Variants in ROS1 observed in about 807,000 individuals in gnomAD.
ROS1 encodes ROS proto-oncogene 1, receptor tyrosine kinase, also known as proto-oncogene tyrosine-protein kinase ROS.
A neutral mutation model predicts 273.5 loss-of-function variants in ROS1; 263 were observed. The observed-to-expected ratio is 0.96, with a 90% CI of 0.87 to 1.06. ROS1 has a LOEUF of 1.06. Ranked by LOEUF, ROS1 falls within the 50% of genes least tolerant of loss-of-function variation. The pLI is 0.00. For synonymous variants in ROS1, 1,008 were observed against 954.1 expected (o/e 1.06, Z -1.04); for missense variants, 2,833 against 2,751.1 (o/e 1.03, Z -0.67).
At position 117,337,329 on chromosome 6, in the gene ROS1, A is replaced by G. The variant is rs765137339; in HGVS notation, c.5073T>C (p.Asn1691=). ...FWVELQKWKY[N]EFYHVKTSCS... Reference sequence around the variant, plus strand: ...ATGAAGTTTTAACATGGTAAAACTCATTGTATTTCCACTAGAAAAAGAAGT... The same window carrying G: ...ATGAAGTTTTAACATGGTAAAACTCGTTGTATTTCCACTAGAAAAAGAAGT... The change falls in exon 32 of 44, where the codon AAT becomes AAC. Residue 1691 remains asparagine, a synonymous_variant. Transcript: ENST00000368507. The G allele has an allele frequency of 1.9e-6, 3 of 1,593,708 alleles. No individual in the cohort carries two copies. The highest frequency in any genetic ancestry group is 2.6e-6 in the Non-Finnish European group (3 of 1,173,538).
chr6:117,414,335 T>A (rs1775169685), intron 4 of ROS1, among the ~76,000 whole-genome samples, 184 bp downstream of exon 4: 1 of 152,120 alleles, frequency 6.6e-6, no homozygotes, highest in Non-Finnish European at 1.5e-5. Context: ...CATAAAACAG[T>A]AAATATTTGT....
chr6:117,384,359 T>TA (rs1239098413), intron 16 of ROS1, among the ~76,000 whole-genome samples: 9 of 152,170 alleles, frequency 5.9e-5, no homozygotes, highest in African/African-American at 1.7e-4. Context: ...ATGGACACAC[T>TA]AAAAAATCTC....
Position 117,359,814 on chromosome 6 carries a change from A to T in ROS1, c.3628T>A (p.Ser1210Thr), listed in dbSNP as rs1779634100. The T allele has an allele frequency of 1.9e-6, 3 of 1,612,720 alleles. No individual in the cohort carries two copies. Among genetic ancestry groups the T allele is most frequent in the Non-Finnish European group, 2.5e-6 (3 of 1,178,894 alleles). Residue 1210 changes from serine to threonine, a missense_variant, in exon 24 of 44, where the codon TCT (serine) becomes ACT (threonine). Ser to Thr is a moderately conservative substitution (Grantham distance 58, BLOSUM62 1). Coordinates refer to ENST00000368507, the MANE Select transcript of ROS1 (RefSeq NM_001378902.1). Reference protein sequence around the residue: ...FLLHLHNRSSSELFQDSLVFD... With the variant: ...FLLHLHNRSSTELFQDSLVFD... ...AGAATTACATAGTGAAATACCTCAG[A>T]GCTAGAGCGATTGTGCAAGTGCAGA...
intron 5 of ROS1, among the ~76,000 whole-genome samples, chr6:117,408,226 A>G (rs1774582285): frequency 6.6e-6 from 1 of 151,928 alleles, no homozygotes; most frequent in South Asian, 2.1e-4. Flanking sequence ...ATCTAATTAA[A>G]CTAAAGAGCT....
At chr6:117,361,736 A>C (rs1779818279) in intron 22 of ROS1, among the ~76,000 whole-genome samples, 1 of 151,866 alleles carries the variant, frequency 6.6e-6, no homozygotes, top group South Asian at 2.1e-4. Flanking sequence ...TTATTAAATT[A>C]GAATTTTATG....
At chr6:117,362,417 C>T in intron 22 of ROS1, among the ~76,000 whole-genome samples, 186 bp downstream of exon 22, 1 of 152,112 alleles carries the variant, frequency 6.6e-6, no homozygotes, top group South Asian at 2.1e-4. Context: ...TAACAGTTTA[C>T]TTTAGTCACT....
rs763424996 is a variant in ROS1, at chr6:117,320,019, G to A, written c.5771C>T (p.Thr1924Ile). 6.2e-7 allele frequency: 1 copy of A among 1,613,014 alleles called. No homozygotes were observed. The highest frequency in any genetic ancestry group is 8.5e-7 in the Non-Finnish European group (1 of 1,179,388). ...AGGAAGATTTTCAATCTCCTCTTGG[G>A]TTGGAAGAGTACTGTAAAATAGCAA... The part of the protein sequence containing the change: ...NACYAIHTLP[T>I]QEEIENLPAF... The change falls in exon 37 of 44, where the codon ACC becomes ATC. Residue 1924 changes from threonine to isoleucine, a missense_variant. By Grantham distance (89) the Thr-to-Ile change is moderately conservative (BLOSUM62 -1). Transcript: ENST00000368507.
chr6:117,290,748 A>G (rs1222722180), intron 43 of ROS1, among the ~76,000 whole-genome samples: 3 of 152,138 alleles, frequency 2.0e-5, no homozygotes, highest in African/African-American at 7.2e-5. Context: ...TTCTCTCTCT[A>G]TCCCCTTTCC....
chr6:117,293,973 C>T (rs527540715), intron 43 of ROS1, among the ~76,000 whole-genome samples: 2 of 152,198 alleles, frequency 1.3e-5, no homozygotes, highest in East Asian at 3.9e-4. Context: ...TAAGATTTAT[C>T]CCAGGTATGC....
At chr6:117,414,126 T>C (rs1775151085) in intron 4 of ROS1, among the ~76,000 whole-genome samples, 1 of 152,160 alleles carries the variant, frequency 6.6e-6, no homozygotes, top group Admixed American at 6.5e-5. Flanking sequence ...CACTATACAT[T>C]GTGGGGAAGA....
At chr6:117,342,299 A>C in intron 29 of ROS1, 101 bp downstream of exon 29, 1 of 1,192,406 alleles carries the variant, frequency 8.4e-7, no homozygotes, top group Non-Finnish European at 1.2e-6. Context: ...AAGCTTACTA[A>C]AATTACTTCG....
rs1582866217 is a variant in ROS1, at chr6:117,404,419, T to A, written c.326A>T (p.Asp109Val). Residue 109 changes from aspartate (D) to valine (V), a missense_variant, in exon 6 of 44, where the codon GAC becomes GTC. Asp to Val is a radical substitution (Grantham distance 152, BLOSUM62 -3). Transcript: ENST00000368507. ...AYEEEVLENA[D>V]LPTAPFASSI... is the part of the protein sequence containing the mutation. ...AGAAGCAAAGGGAGCAGTTGGTAGG[T>A]CTGCATTTTCTGGGGAAAAAACAAG... The A allele has an allele frequency of 3.1e-6, 5 of 1,612,250 alleles. No homozygotes were observed. Among genetic ancestry groups the A allele is most frequent in the Non-Finnish European group, 4.2e-6 (5 of 1,179,256 alleles).
At chr6:117,325,092 G>T (rs779574754) in intron 34 of ROS1, among the ~76,000 whole-genome samples, 1 of 152,062 alleles carries the variant, frequency 6.6e-6, no homozygotes, top group African/African-American at 2.4e-5. Flanking sequence ...TTCAGAAAAA[G>T]TTTGCTGAGC....
intron 25 of ROS1, 124 bp from the exon 26 acceptor site, chr6:117,357,039 C>CA (rs1260817876): frequency 2.5e-6 from 2 of 795,424 alleles, no homozygotes; most frequent in Admixed American, 5.4e-5. Flanking sequence ...TTGGAGAGAA[C>CA]ATGGTCAAGT....
rs190646485 is a variant in ROS1, at chr6:117,377,567, A to C, written c.2582+1492T>G. 4.6e-5 allele frequency among the ~76,000 whole-genome samples: 7 copies of C among 152,348 alleles called. No individual in the cohort carries two copies. In the East Asian group the frequency reaches 1.3e-3, roughly 29 times the overall value. On this transcript the variant is annotated intron_variant, in intron 18 of 43. Transcript: ENST00000368507. ...CATACCCCAAAATAAATTTACGATG[A>C]ATTATAGATCTAATCATGAAAGCTA...
At chr6:117,381,837 G>C (rs1263543840) in intron 17 of ROS1, among the ~76,000 whole-genome samples, 4 of 152,148 alleles carry the variant, frequency 2.6e-5, no homozygotes, top group African/African-American at 9.7e-5. Context: ...TTTCCATAGA[G>C]GTTGTACTAA....
At chr6:117,398,538 G>A (rs1057193222) in intron 7 of ROS1, among the ~76,000 whole-genome samples, 21 of 152,088 alleles carry the variant, frequency 1.4e-4, no homozygotes, top group Admixed American at 1.2e-3. Flanking sequence ...AATTAGCCAG[G>A]CATGGTGGCG....
intron 42 of ROS1, among the ~76,000 whole-genome samples, chr6:117,304,868 T>C (rs949137820): frequency 6.6e-6 from 1 of 151,650 alleles, no homozygotes; most frequent in African/African-American, 2.4e-5. Context: ...AGAGTTCTTA[T>C]GAGATCTGGT....
In ROS1 at chr6:117,421,370, C is replaced by G. The variant is rs1366430137; in HGVS notation, c.124-2864G>C. Reference sequence around the variant, plus strand: ...GTGCACCTTTCACCCAAGTAGTATACATTGTACCCAACATGTAGTTTTTCA... The same window carrying G: ...GTGCACCTTTCACCCAAGTAGTATAGATTGTACCCAACATGTAGTTTTTCA... On this transcript the variant is annotated intron_variant, in intron 1 of 43. Coordinates refer to ENST00000368507, the MANE Select transcript of ROS1 (RefSeq NM_001378902.1). Among the ~76,000 whole-genome samples the G allele has an allele frequency of 2.0e-5, 3 of 151,726 alleles. No individual in the cohort carries two copies. The East Asian group carries it at 5.8e-4, about 29-fold the overall frequency.
Sources: allele counts gnomAD v4.1 joint callset (sites outside exome capture counted in the v4.1 genomes callset), GRCh38; gene constraint gnomAD v4.1.1; transcripts MANE v1.5; gene names NCBI Gene and HGNC (gene_info 2026-07-23, HGNC 2026-07-21).